EP400: variants seen among roughly 807,000 people sequenced by gnomAD.
EP400 encodes E1A binding protein p400.
EP400 carries 105 observed loss-of-function variants against 354.1 expected under a neutral mutation model. The observed-to-expected ratio is 0.30, with a 90% CI of 0.25 to 0.35. The LOEUF (loss-of-function observed/expected upper bound fraction) is 0.35. EP400 is among the 10% of genes least tolerant of loss of function. EP400 has a pLI of 1.00. For missense variants in EP400, 3,280 were observed against 4,121.0 expected (o/e 0.80, Z 5.59); for synonymous variants, 1,646 against 1,716.9 (o/e 0.96, Z 1.02).
chr12:132,078,329 C>T lies in EP400; in HGVS notation c.*656C>T, dbSNP rs964954689. On this transcript the variant is annotated 3_prime_UTR_variant, in exon 53 of 53. Transcript: ENST00000389561. Reference sequence around the variant, plus strand: ...CCTGTGTTCAAGGGAAATGATCAGTCATTGCATTGTTATTCCAAAGAGCAG... The same window carrying T: ...CCTGTGTTCAAGGGAAATGATCAGTTATTGCATTGTTATTCCAAAGAGCAG... 14 of 152,480 alleles carry T rather than the reference C, an allele frequency of 9.2e-5. No homozygotes were observed. Among genetic ancestry groups the T allele is most frequent in the African/African-American group, 3.4e-4 (14 of 41,478 alleles). The allele number at this position is 152,480 out of a possible 1,614,324, so 9.4% of individuals were successfully genotyped here.
In EP400 at chr12:132,018,344, C is replaced by A; in HGVS notation, c.4245C>A (p.Ala1415=). The change falls in exon 21 of 53, where the codon GCC becomes GCA. Residue 1415 remains alanine (A), a synonymous_variant. Coordinates refer to ENST00000389561, the MANE Select transcript of EP400 (RefSeq NM_015409.5). The surrounding 1 kb of genome is among the most constrained non-coding windows in gnomAD (Gnocchi z 4.0). ...TCTCCACTTCAGCAGCCCCAGCAGC[C>A]CGACCAGCAGCAGCAAAGCTGAAGG... ...EEISTSAAPA[A]RPAAAKLKAS... 6.2e-7 allele frequency: 1 copy of A among 1,610,078 alleles called. No homozygotes were observed. The highest frequency in any genetic ancestry group is 8.5e-7 in the Non-Finnish European group (1 of 1,178,936).
intron 15 of EP400, among the ~76,000 whole-genome samples, chr12:132,010,633 A>C (rs1201294397): frequency 6.6e-6 from 1 of 152,190 alleles, no homozygotes; most frequent in Non-Finnish European, 1.5e-5. Flanking sequence ...GTATTCCTCT[A>C]ATAATCTTTA....
At chr12:132,074,980 G>T (rs1305026799) in intron 51 of EP400, among the ~76,000 whole-genome samples, 1 of 152,058 alleles carries the variant, frequency 6.6e-6, no homozygotes, top group African/African-American at 2.4e-5. Flanking sequence ...GCACCTTCAG[G>T]TGCCACAGGA....
rs1367956803 is a variant in EP400 at position 132,054,665 on chromosome 12, G to A, written c.7729-309G>A. On this transcript the variant is annotated intron_variant, in intron 43 of 52. Transcript: ENST00000389561. The surrounding 1 kb of genome is among the most constrained non-coding windows in gnomAD (Gnocchi z 4.0). Reference sequence around the variant, plus strand: ...AAGCTCAGTGTGGCTGGACTCAGGTGGTGAGGGACAGAGGGTGGATGAATG... The same window carrying A: ...AAGCTCAGTGTGGCTGGACTCAGGTAGTGAGGGACAGAGGGTGGATGAATG... Among the ~76,000 whole-genome samples the A allele has an allele frequency of 6.6e-6, 1 of 152,162 alleles. No individual in the cohort carries two copies. Among genetic ancestry groups the A allele is most frequent in the Non-Finnish European group, 1.5e-5 (1 of 68,026 alleles).
Position 131,994,201 on chromosome 12 carries a change from G to C in EP400, c.2738-666G>C, listed in dbSNP as rs1893132367. On this transcript the variant is annotated intron_variant, in intron 11 of 52. Transcript: ENST00000389561. This position sits in a 1 kb window ranked among gnomAD's most constrained non-coding sequence, Gnocchi z 4.6. Reference sequence around the variant, plus strand: ...TGGGGGTCTTGTAGTGAAGAAATGAGGAAGAGTTTTGATGGTAGGAAGGGA... The same window carrying C: ...TGGGGGTCTTGTAGTGAAGAAATGACGAAGAGTTTTGATGGTAGGAAGGGA... Among the ~76,000 whole-genome samples, 1 of 152,092 alleles carries C rather than the reference G, an allele frequency of 6.6e-6. No individual in the cohort carries two copies. Among genetic ancestry groups the C allele is most frequent in the Non-Finnish European group, 1.5e-5 (1 of 68,016 alleles).
intron 35 of EP400, 143 bp downstream of exon 35, chr12:132,044,454 C>T (rs1004879161): frequency 7.6e-7 from 1 of 1,312,662 alleles, no homozygotes. Flanking sequence ...CACAACCTCA[C>T]TTATGTTCTA....
chr12:132,066,800 G>A lies in EP400; in HGVS notation c.8580G>A (p.Gln2860=), dbSNP rs1895907812. 1.9e-6 allele frequency: 3 copies of A among 1,613,972 alleles called. No homozygotes were observed. The East Asian group carries it at 6.7e-5, about 36-fold the overall frequency. Residue 2860 remains glutamine, a synonymous_variant, in exon 49 of 53, where the codon CAG becomes CAA. Coordinates refer to ENST00000389561, the MANE Select transcript of EP400 (RefSeq NM_015409.5). The part of the protein sequence containing the change: ...RLTRVPTSQL[Q]AQGQMQTQAP... Reference sequence around the variant, plus strand: ...CCCGGGTTCCCACTTCTCAGCTGCAGGCGCAAGGGCAGATGCAGACCCAGG... The same window carrying A: ...CCCGGGTTCCCACTTCTCAGCTGCAAGCGCAAGGGCAGATGCAGACCCAGG...
At chr12:131,952,634 T>G (rs1418625805) in intron 1 of EP400, among the ~76,000 whole-genome samples, 3 of 152,158 alleles carry the variant, frequency 2.0e-5, no homozygotes, top group Non-Finnish European at 4.4e-5. Context: ...TGATTTTTTG[T>G]AGAGACACTA....
intron 5 of EP400, among the ~76,000 whole-genome samples, chr12:131,982,834 G>A (rs1055152867): frequency 6.6e-6 from 1 of 152,072 alleles, no homozygotes; most frequent in Non-Finnish European, 1.5e-5. Flanking sequence ...GCCAGGCGTG[G>A]TGGCAAGTGC....
chr12:132,051,558 GAGA>G (rs774986724), intron 41 of EP400, among the ~76,000 whole-genome samples: 20 of 152,326 alleles, frequency 1.3e-4, no homozygotes, highest in Non-Finnish European at 2.4e-4. Context: ...GAGGTAGAGA[GAGA>G]AGGAGAGAAA....
At position 132,077,656 on chromosome 12, in the gene EP400, A is replaced by G; in HGVS notation, c.9355A>G (p.Lys3119Glu). 6.2e-7 allele frequency: 1 copy of G among 1,610,830 alleles called. No individual in the cohort carries two copies. The highest frequency in any genetic ancestry group is 8.5e-7 in the Non-Finnish European group (1 of 1,178,228). Residue 3119 changes from lysine (K) to glutamate (E), a missense_variant, in exon 53 of 53, where the codon AAG becomes GAG. By Grantham distance (56) the Lys-to-Glu change is moderately conservative. This residue lies in a region of EP400 where 279 missense variants were observed against 386.7 expected (regional missense o/e 0.72). Coordinates refer to ENST00000389561, the MANE Select transcript of EP400 (RefSeq NM_015409.5). ...TGCTGTCAGGCTAAAGACACCTACT[A>G]AGCCTCCGTGCCAGTAGTCAGGGCA... The part of the protein sequence containing the change: ...VPAVRLKTPT[K>E]PPCQ
Position 131,992,212 on chromosome 12 carries a change from T to A in EP400, c.2719T>A (p.Ser907Thr). 6.2e-7 allele frequency: 1 copy of A among 1,610,594 alleles called. No homozygotes were observed. Among genetic ancestry groups the A allele is most frequent in the Non-Finnish European group, 8.5e-7 (1 of 1,179,954 alleles). ...MSGRKRKASISLTDDEVDDEE... is the reference protein window; with the variant it reads ...MSGRKRKASITLTDDEVDDEE... Reference sequence around the variant, plus strand: ...TGGAAGAAAAAGAAAAGCTAGCATATCTTTGACTGATGACGAAGGTCTGTT... The same window carrying A: ...TGGAAGAAAAAGAAAAGCTAGCATAACTTTGACTGATGACGAAGGTCTGTT... The change falls in exon 11 of 53, where the codon TCT becomes ACT. Residue 907 changes from serine to threonine, a missense_variant. This residue lies in a region of EP400 where 800 missense variants were observed against 840.0 expected (regional missense o/e 0.95). Coordinates refer to ENST00000389561, the MANE Select transcript of EP400 (RefSeq NM_015409.5).
At chr12:131,977,114 T>G (rs1892505110) in intron 2 of EP400, among the ~76,000 whole-genome samples, 1 of 152,120 alleles carries the variant, frequency 6.6e-6, no homozygotes, top group African/African-American at 2.4e-5. Context: ...TATGGTTACC[T>G]GGATTATGTT....
Position 132,025,700 on chromosome 12 carries a change from G to A in EP400, c.4910G>A (p.Gly1637Asp). ...GGGCAGCCCTACCTTCGAGCCCCTG[G>A]CCCTGTGGTGATGCAGACCGTGTCT... ...APGQPYLRAPGPVVMQTVSQA... is the reference protein window; with the variant it reads ...APGQPYLRAPDPVVMQTVSQA... Residue 1637 changes from glycine (G) to aspartate (D), a missense_variant, in exon 25 of 53, where the codon GGC (glycine) becomes GAC (aspartate). Physicochemically the swap from Gly to Asp is moderately conservative, Grantham distance 94 (BLOSUM62 -1). This residue lies in a region of EP400 where 459 missense variants were observed against 496.9 expected (regional missense o/e 0.92). Coordinates refer to ENST00000389561, the MANE Select transcript of EP400 (RefSeq NM_015409.5). This position sits in a 1 kb window ranked among gnomAD's most constrained non-coding sequence, Gnocchi z 4.1. The A allele has an allele frequency of 6.2e-7, 1 of 1,613,454 alleles. No individual in the cohort carries two copies. The highest frequency in any genetic ancestry group is 8.5e-7 in the Non-Finnish European group (1 of 1,179,894).
intron 2 of EP400, among the ~76,000 whole-genome samples, chr12:131,975,194 G>A (rs1245833385): frequency 6.6e-6 from 1 of 152,132 alleles, no homozygotes; most frequent in Non-Finnish European, 1.5e-5. Flanking sequence ...GTCAGCCACA[G>A]CCGGGGAGCA....
At chr12:131,958,376 C>T (rs1162637165) in intron 1 of EP400, among the ~76,000 whole-genome samples, 2 of 152,188 alleles carry the variant, frequency 1.3e-5, no homozygotes, top group African/African-American at 4.8e-5. Context: ...TGTCTTCTGA[C>T]TCCATCTTCA....
chr12:131,991,563 C>G, intron 10 of EP400, 107 bp downstream of exon 10: 1 of 913,730 alleles, frequency 1.1e-6, no homozygotes, highest in Non-Finnish European at 1.7e-6. Context: ...GTGACTATTA[C>G]TTCCTTTCTT....
rs11830302 is a variant in EP400, at chr12:132,027,927, G to A, written c.5110-90G>A. The A allele has an allele frequency of 0.087, 123,227 of 1,409,412 alleles. 6,624 individuals carry two copies. Among genetic ancestry groups the A allele is most frequent in the African/African-American group, 0.25 (17,333 of 70,436 alleles). The allele number at this position is 1,409,412 out of a possible 1,614,324, so 87.3% of individuals were successfully genotyped here. A position where few individuals can be genotyped will look rare whatever the true frequency, so the allele number is the denominator to read the frequency against. ...GATATTGAAGTGGATCTCATATGTG[G>A]GAAATCACGGGCTGGGTGGGGGGTT... On this transcript the variant is annotated intron_variant, in intron 26 of 52. Coordinates refer to ENST00000389561, the MANE Select transcript of EP400 (RefSeq NM_015409.5). This position sits in a 1 kb window ranked among gnomAD's most constrained non-coding sequence, Gnocchi z 4.9.
chr12:132,072,891 C>T (rs77539328), intron 51 of EP400, among the ~76,000 whole-genome samples: 2,198 of 152,320 alleles, frequency 0.014, 50 homozygotes, highest in African/African-American at 0.05. Flanking sequence ...CTCTTACTGT[C>T]TTCAGTAATA....
Sources: gnomAD v4.1 joint callset for allele counts (sites outside exome capture counted in the v4.1 genomes callset) on GRCh38, gnomAD v4.1.1 for gene constraint, gnomAD v4.1.1 regional missense constraint, Gnocchi (gnomAD v3.1) non-coding constraint, MANE v1.5 for transcripts, NCBI Gene and HGNC (gene_info 2026-07-23, HGNC 2026-07-21) for gene names.